POLR3B: variants seen among roughly 807,000 people sequenced by gnomAD.
The protein encoded by POLR3B is RNA polymerase III subunit B, also known as DNA-directed RNA polymerase III subunit RPC2.
A neutral mutation model predicts 147.4 loss-of-function variants in POLR3B; 96 were observed. The ratio of observed to expected loss-of-function variants is 0.65; its 90% CI spans 0.55 to 0.77. The LOEUF is 0.77. Among genes scored for constraint, POLR3B ranks in the 30% least tolerant of loss-of-function variants. The probability of loss-of-function intolerance (pLI) is 0.00; values close to 1 mark genes in which losing one functional copy is unlikely to be tolerated. For synonymous variants in POLR3B, 461 were observed against 485.9 expected (o/e 0.95, Z 0.67); for missense variants, 1,036 against 1,413.5 (o/e 0.73, Z 4.28).
chr12:106,502,822 C>T (rs561377395), intron 26 of POLR3B, among the ~76,000 whole-genome samples: 23 of 152,250 alleles, frequency 1.5e-4, no homozygotes, highest in African/African-American at 4.3e-4. Flanking sequence ...AATGCTGTCC[C>T]CTCCTAAACT....
At chr12:106,459,390 G>A (rs1194413457) in intron 22 of POLR3B, 22 bp downstream of exon 22, 1 of 1,187,986 alleles carries the variant, frequency 8.4e-7, no homozygotes, top group African/African-American at 1.5e-5. Flanking sequence ...TTGTGCCCTG[G>A]TAATATGTAG....
chr12:106,358,147 C>A, intron 1 of POLR3B, 196 bp downstream of exon 1: 1 of 1,454,986 alleles, frequency 6.9e-7, no homozygotes, highest in Non-Finnish European at 9.0e-7. Context: ...AAGGCTGATC[C>A]CAGAGGAGCT....
chr12:106,471,246 C>T (rs2038086694), intron 23 of POLR3B, among the ~76,000 whole-genome samples: 1 of 152,228 alleles, frequency 6.6e-6, no homozygotes, highest in Admixed American at 6.5e-5. Flanking sequence ...GAGCAAGGCT[C>T]CGTGGGCATG....
At position 106,380,057 on chromosome 12, in the gene POLR3B, C is replaced by T; in HGVS notation, c.641C>T (p.Thr214Ile). The T allele has an allele frequency of 6.2e-7, 1 of 1,612,886 alleles. No homozygotes were observed. Among genetic ancestry groups the T allele is most frequent in the Non-Finnish European group, 8.5e-7 (1 of 1,179,220 alleles). Residue 214 changes from threonine (T) to isoleucine (I), a missense_variant, in exon 9 of 28, where the codon ACC (threonine) becomes ATC (isoleucine). Around this residue, in one of 12 missense-constraint regions of POLR3B, gnomAD observed 217 missense variants for 288.7 expected, o/e 0.75. Coordinates refer to ENST00000228347, the MANE Select transcript of POLR3B (RefSeq NM_018082.6). ...TCTACCCATGAGAAAAAAAGCAGAA[C>T]CAATATGGCTGTGAAACAAGGACGA... ...TSSTHEKKSR[T>I]NMAVKQGRFY...
rs2036678676 is a variant in POLR3B at position 106,376,366 on chromosome 12, A to G, written c.412A>G (p.Ile138Val). ...TTGTTTTATTTTATACAGAATGCCC[A>G]TAATGCTACGTAGTTCAAACTGTGT... ...RNALPIGRMP[I>V]MLRSSNCVLT... is the part of the protein sequence containing the mutation. The change falls in exon 7 of 28, where the codon ATA (isoleucine) becomes GTA (valine). Residue 138 changes from isoleucine to valine, a missense_variant. By Grantham distance (29) the Ile-to-Val change is conservative (BLOSUM62 3). Transcript: ENST00000228347. 3 of 1,609,600 alleles carry G rather than the reference A, an allele frequency of 1.9e-6. No individual in the cohort carries two copies. Among genetic ancestry groups the G allele is most frequent in the African/African-American group, 1.3e-5 (1 of 74,978 alleles).
At chr12:106,413,515 C>T (rs552850482) in intron 12 of POLR3B, among the ~76,000 whole-genome samples, 2 of 152,134 alleles carry the variant, frequency 1.3e-5, no homozygotes, top group Non-Finnish European at 2.9e-5. Context: ...TGATGTATAC[C>T]GTACCTTGAA....
chr12:106,506,099 A>G lies in POLR3B; in HGVS notation c.3272+1845A>G, dbSNP rs528145926. 3.3e-5 allele frequency among the ~76,000 whole-genome samples: 5 copies of G among 152,308 alleles called. No homozygotes were observed. In the East Asian group the frequency reaches 7.7e-4, roughly 24 times the overall value. On this transcript the variant is annotated intron_variant, in intron 27 of 27. Transcript: ENST00000228347. ...AAGGATAAGCCTAGCTCTTTCTTAT[A>G]TGAATGAGATGGGGGTTTGCTTCAG...
intron 9 of POLR3B, among the ~76,000 whole-genome samples, chr12:106,389,786 T>A (rs2036889902): frequency 6.6e-6 from 1 of 152,056 alleles, no homozygotes; most frequent in South Asian, 2.1e-4. Context: ...GCCAGCTACT[T>A]TAGAGGGTAA....
chr12:106,447,419 C>G (rs2037738290), intron 19 of POLR3B, among the ~76,000 whole-genome samples: 1 of 152,132 alleles, frequency 6.6e-6, no homozygotes, highest in Non-Finnish European at 1.5e-5. Context: ...ATCTTAGGCG[C>G]TTTATTAATA....
intron 23 of POLR3B, among the ~76,000 whole-genome samples, chr12:106,481,239 T>C (rs894990936): frequency 6.6e-6 from 1 of 152,174 alleles, no homozygotes; most frequent in African/African-American, 2.4e-5. Flanking sequence ...TGACTGACAC[T>C]GGCTGCTGTG....
chr12:106,437,755 C>A lies in POLR3B; in HGVS notation c.1931C>A (p.Ala644Glu). The change falls in exon 18 of 28, where the codon GCA (alanine) becomes GAA (glutamate). Residue 644 changes from alanine to glutamate, a missense_variant. Transcript: ENST00000228347. ...DVNEENDCNI[A>E]LYEHTINKDT... ...AATGAAGAAAATGATTGTAACATTG[C>A]ACTGTACGAACACACAATTAATAAG... is the stretch of plus-strand genomic sequence containing the variant. 1 of 1,590,580 alleles carries A rather than the reference C, an allele frequency of 6.3e-7. No homozygotes were observed. Among genetic ancestry groups the A allele is most frequent in the East Asian group, 2.2e-5 (1 of 44,662 alleles).
intron 6 of POLR3B, among the ~76,000 whole-genome samples, chr12:106,375,074 T>G (rs2036659951): frequency 6.6e-6 from 1 of 152,246 alleles, no homozygotes; most frequent in Non-Finnish European, 1.5e-5. Flanking sequence ...GACCTCATTC[T>G]GAGTGAATAC....
chr12:106,364,114 A>G (rs558820758), intron 2 of POLR3B, among the ~76,000 whole-genome samples: 1 of 152,250 alleles, frequency 6.6e-6, no homozygotes, highest in Non-Finnish European at 1.5e-5. Flanking sequence ...GTAGTAGTAC[A>G]TGCACAGTAG....
intron 12 of POLR3B, among the ~76,000 whole-genome samples, chr12:106,422,050 A>G (rs1426481449): frequency 6.6e-6 from 1 of 152,182 alleles, no homozygotes; most frequent in Non-Finnish European, 1.5e-5. Flanking sequence ...AGTTGCAGCC[A>G]TTTGTCAACT....
intron 10 of POLR3B, among the ~76,000 whole-genome samples, chr12:106,405,372 T>C (rs759562874): frequency 2.2e-4 from 33 of 152,132 alleles, no homozygotes; most frequent in Non-Finnish European, 4.3e-4. Flanking sequence ...TCCACGAACA[T>C]GTCATGACCC....
chr12:106,419,794 C>CTTTTTTTTTT (rs56756383), intron 12 of POLR3B, among the ~76,000 whole-genome samples: 1 of 88,944 alleles, frequency 1.1e-5, no homozygotes, highest in Non-Finnish European at 2.0e-5. Context: ...TTTAGTTTTG[C>CTTTTTTTTTT]TTTTTTTTTT....
intron 25 of POLR3B, among the ~76,000 whole-genome samples, chr12:106,498,559 GT>G (rs1018486258): frequency 1.3e-5 from 2 of 151,058 alleles, no homozygotes; most frequent in African/African-American, 4.9e-5. Context: ...GGTTTTGGGA[GT>G]TTTTTTTGTT....
intron 23 of POLR3B, among the ~76,000 whole-genome samples, chr12:106,473,957 A>T (rs1469977096): frequency 6.7e-6 from 1 of 150,244 alleles, no homozygotes; most frequent in Non-Finnish European, 1.5e-5. Context: ...TTCAAAGGGA[A>T]TGCTTCCAGT....
intron 10 of POLR3B, among the ~76,000 whole-genome samples, chr12:106,393,517 G>GTGTGTGTT (rs1458024121): frequency 2.0e-5 from 3 of 148,684 alleles, no homozygotes; most frequent in African/African-American, 7.7e-5. Flanking sequence ...GTGTGTGTGT[G>GTGTGTGTT]TGTGTGTGTG....
Sources: gnomAD v4.1 joint callset for allele counts (sites outside exome capture counted in the v4.1 genomes callset) on GRCh38, gnomAD v4.1.1 for gene constraint, gnomAD v4.1.1 regional missense constraint, MANE v1.5 for transcripts, NCBI Gene and HGNC (gene_info 2026-07-23, HGNC 2026-07-21) for gene names.